SMAD4: variants seen among roughly 807,000 people sequenced by gnomAD.
SMAD4 encodes MAD homolog 4.
A neutral mutation model predicts 63.2 loss-of-function variants in SMAD4; 7 were observed. The ratio of observed to expected loss-of-function variants is 0.11; its 90% CI spans 0.06 to 0.21. The LOEUF (loss-of-function observed/expected upper bound fraction) is 0.21, where lower values mean the gene tolerates loss of function less well. Among genes scored for constraint, SMAD4 ranks in the 10% least tolerant of loss-of-function variants. The pLI, the probability that SMAD4 is intolerant of heterozygous loss-of-function variation, is 1.00. For synonymous variants in SMAD4, 215 were observed against 235.4 expected, an observed-to-expected ratio of 0.91 and a Z score of 0.79; for missense variants, 312 against 693.8, an observed-to-expected ratio of 0.45 and a Z score of 6.18.
chr18:51,037,935 T>A (rs1401262224), intron 1 of SMAD4, among the ~76,000 whole-genome samples: 1 of 152,128 alleles, frequency 6.6e-6, no homozygotes, highest in African/African-American at 2.4e-5. Flanking sequence ...CTTGCCAGTT[T>A]CTTAATACTT....
intron 10 of SMAD4, among the ~76,000 whole-genome samples, chr18:51,067,464 A>G (rs1456652386): frequency 2.0e-5 from 3 of 152,050 alleles, no homozygotes; most frequent in African/African-American, 7.2e-5. Flanking sequence ...CCAGGCTGGA[A>G]TGCAGTGGCG....
chr18:51,079,518 C>G lies in SMAD4; in HGVS notation c.*1051C>G. On this transcript the variant is annotated 3_prime_UTR_variant, in exon 12 of 12. Transcript: ENST00000342988. ...TATTTTTGTACTTGATTTGATGTGA[C>G]TTTTTTTGGTATAATGTTTAAATCA... The G allele has an allele frequency of 4.3e-6, 1 of 233,216 alleles. No homozygotes were observed. The highest frequency in any genetic ancestry group is 8.5e-6 in the Non-Finnish European group (1 of 117,874). 14.4% of individuals were successfully genotyped at this position (233,216 alleles called of 1,614,324 possible). A position where few individuals can be genotyped will look rare whatever the true frequency, so the allele number is the denominator to read the frequency against.
chr18:51,063,342 G>A (rs1250324345), intron 8 of SMAD4, among the ~76,000 whole-genome samples: 1 of 152,008 alleles, frequency 6.6e-6, no homozygotes, highest in African/African-American at 2.4e-5. Context: ...CCTATCAGTT[G>A]TTTGCTGAAG....
chr18:51,057,160 C>T (rs1283401895), intron 5 of SMAD4, among the ~76,000 whole-genome samples: 1 of 151,984 alleles, frequency 6.6e-6, no homozygotes, highest in Non-Finnish European at 1.5e-5. Context: ...TTCTTTGATA[C>T]TTTGAGCAAT....
intron 8 of SMAD4, among the ~76,000 whole-genome samples, chr18:51,062,848 C>CTTATTTT (rs1366376175): frequency 3.6e-5 from 3 of 83,598 alleles, no homozygotes; most frequent in African/African-American, 1.3e-4. Flanking sequence ...TCTGGCTTTA[C>CTTATTTT]TTGTTTTTTT....
chr18:51,055,038 A>G (rs2144420076), intron 5 of SMAD4, 45 bp downstream of exon 5: 2 of 1,380,188 alleles, frequency 1.4e-6, no homozygotes, highest in Middle Eastern at 1.8e-4. Flanking sequence ...AGTTTTCCTA[A>G]TCATTGCTTA....
At chr18:51,054,734 G>T (rs2144417457) in intron 4 of SMAD4, 47 bp from the exon 5 acceptor site, 1 of 1,347,490 alleles carries the variant, frequency 7.4e-7, no homozygotes, top group Non-Finnish European at 1.0e-6. Context: ...TTTTTTCTGG[G>T]AATAGAAGCT....
At chr18:51,065,046 A>G (rs1910110917) in intron 8 of SMAD4, among the ~76,000 whole-genome samples, 1 of 152,236 alleles carries the variant, frequency 6.6e-6, no homozygotes. Flanking sequence ...ATGAAATACC[A>G]TGGTAAAATA....
chr18:51,070,365 C>G (rs1910285357), intron 10 of SMAD4, among the ~76,000 whole-genome samples: 2 of 152,142 alleles, frequency 1.3e-5, no homozygotes, highest in African/African-American at 2.4e-5. Flanking sequence ...AAACCACTGT[C>G]TTGGACAGAT....
intron 11 of SMAD4, chr18:51,077,286 A>C: frequency 2.0e-6 from 1 of 509,204 alleles, no homozygotes; most frequent in Non-Finnish European, 2.5e-6. Context: ...TTTCACACTG[A>C]TGGGGAATTT....
intron 1 of SMAD4, among the ~76,000 whole-genome samples, chr18:51,039,327 A>G (rs1163660119): frequency 6.6e-6 from 1 of 152,222 alleles, no homozygotes; most frequent in Non-Finnish European, 1.5e-5. Context: ...AGGGGAATTC[A>G]TTGGCTTGGT....
chr18:51,076,572 C>A, intron 10 of SMAD4, 66 bp from the exon 11 acceptor site: 1 of 1,399,858 alleles, frequency 7.1e-7, no homozygotes, highest in Non-Finnish European at 1.0e-6. Flanking sequence ...ATAAGTCAGG[C>A]ATTGGTTTTT....
At chr18:51,040,240 C>T (rs1372531484) in intron 1 of SMAD4, among the ~76,000 whole-genome samples, 1 of 151,986 alleles carries the variant, frequency 6.6e-6, no homozygotes, top group Non-Finnish European at 1.5e-5. Context: ...TCCTGGCCAA[C>T]GTGGTGAAAC....
rs370459830 is a variant in SMAD4, at chr18:51,076,416, A to G, written c.1309-222A>G. On this transcript the variant is annotated intron_variant, in intron 10 of 11. Coordinates refer to ENST00000342988, the MANE Select transcript of SMAD4 (RefSeq NM_005359.6). ...AAGATACAGAGGCGTGTGGCAGCCA[A>G]AGCCATCATGATGTTGACATGATCT... Among the ~76,000 whole-genome samples, 4 of 152,302 alleles carry G rather than the reference A, an allele frequency of 2.6e-5. No homozygotes were observed. In the East Asian group the frequency reaches 5.8e-4, roughly 22 times the overall value.
At chr18:51,077,014 TTATTA>T in intron 11 of SMAD4, 2 of 417,406 alleles carry the variant, frequency 4.8e-6, no homozygotes, top group Non-Finnish European at 8.6e-6. Flanking sequence ...AAGGGGATGA[TTATTA>T]TATTATACTG....
rs145097078 is a variant in SMAD4, at chr18:51,067,097, G to A, written c.1218G>A (p.Ala406=). ...GGGTCAGGTGCCTTAGTGACCACGC[G>A]GTCTTTGTACAGAGTTACTACTTAG... is the stretch of plus-strand genomic sequence containing the variant. ...DVWVRCLSDH[A]VFVQSYYLDR... The change falls in exon 10 of 12, where the codon GCG becomes GCA. Residue 406 remains alanine (A), a synonymous_variant. Transcript: ENST00000342988. 49 of 1,611,766 alleles carry A rather than the reference G, an allele frequency of 3.0e-5. No individual in the cohort carries two copies. The Middle Eastern group carries it at 8.3e-4, about 27-fold the overall frequency.
intron 1 of SMAD4, among the ~76,000 whole-genome samples, chr18:51,032,394 G>T (rs765062738): frequency 2.6e-5 from 4 of 151,970 alleles, no homozygotes; most frequent in Non-Finnish European, 4.4e-5. Flanking sequence ...ATGAAAATTT[G>T]TGCCGAGAAA....
chr18:51,056,140 T>A (rs545546339), intron 5 of SMAD4, among the ~76,000 whole-genome samples: 2 of 152,308 alleles, frequency 1.3e-5, no homozygotes, highest in Admixed American at 1.3e-4. Context: ...GTCTACTTTT[T>A]ATTTACCAAA....
At chr18:51,043,555 AT>A (rs1410301775) in intron 1 of SMAD4, among the ~76,000 whole-genome samples, 2 of 152,172 alleles carry the variant, frequency 1.3e-5, no homozygotes, top group African/African-American at 2.4e-5. Flanking sequence ...TGCTAGTATT[AT>A]TTTTTATATG....
Sources: gnomAD v4.1 joint callset for allele counts (sites outside exome capture counted in the v4.1 genomes callset) on GRCh38, gnomAD v4.1.1 for gene constraint, MANE v1.5 for transcripts, NCBI Gene and HGNC (gene_info 2026-07-23, HGNC 2026-07-21) for gene names.